The following COL23A1 variants were observed in gnomAD, a reference collection of about 807,000 sequenced individuals.
COL23A1 encodes the protein collagen alpha-1(XXIII) chain.
Under a neutral mutation model 99.3 loss-of-function variants are expected in COL23A1, and 97 were observed. The observed-to-expected ratio is 0.98, with a 90% CI of 0.83 to 1.16. The LOEUF (loss-of-function observed/expected upper bound fraction) is 1.16, where lower values mean the gene tolerates loss of function less well. Among genes scored for constraint, COL23A1 ranks in the 50% most tolerant of loss-of-function variants. COL23A1 has a pLI of 0.00. For missense variants in COL23A1, 762 were observed against 757.4 expected, an observed-to-expected ratio of 1.01 and a Z score of -0.07; for synonymous variants, 320 against 308.2, an observed-to-expected ratio of 1.04 and a Z score of -0.40.
chr5:178,471,343 G>A (rs1756739377), intron 2 of COL23A1, among the ~76,000 whole-genome samples: 1 of 152,208 alleles, frequency 6.6e-6, no homozygotes, highest in African/African-American at 2.4e-5. Flanking sequence ...CTGGGTTCAA[G>A]TGATTCTCCT....
chr5:178,537,310 C>T (rs1034543129), intron 2 of COL23A1, among the ~76,000 whole-genome samples: 1 of 152,210 alleles, frequency 6.6e-6, no homozygotes, highest in Non-Finnish European at 1.5e-5. Context: ...GGCCTGAGGC[C>T]CGGGGTCGTA....
At position 178,417,206 on chromosome 5, in the gene COL23A1, T is replaced by C. The variant is rs116683539; in HGVS notation, c.362-110287A>G. Reference sequence around the variant, plus strand: ...TCCCAACGGATGGCTCTTCTGGATGTACATACAACACATACAACACACATG... The same window carrying C: ...TCCCAACGGATGGCTCTTCTGGATGCACATACAACACATACAACACACATG... On this transcript the variant is annotated intron_variant, in intron 2 of 28. Transcript: ENST00000390654. Among the ~76,000 whole-genome samples the C allele has an allele frequency of 9.9e-3, 1,510 of 152,274 alleles. 26 individuals are homozygous for C. The highest frequency in any genetic ancestry group is 0.034 in the African/African-American group (1,432 of 41,536).
intron 3 of COL23A1, among the ~76,000 whole-genome samples, chr5:178,296,571 T>C (rs914220488): frequency 1.3e-5 from 2 of 152,064 alleles, no homozygotes; most frequent in African/African-American, 2.4e-5. Flanking sequence ...CGTTTTTTTT[T>C]CCTACCACAG....
Position 178,366,164 on chromosome 5 carries a change from GCTGGGT to G in COL23A1, c.362-59251_362-59246del, listed in dbSNP as rs1762465838. On this transcript the variant is annotated intron_variant, in intron 2 of 28. Transcript: ENST00000390654. This position sits in a 1 kb window ranked among gnomAD's most constrained non-coding sequence, Gnocchi z 4.4. The stretch of plus-strand genomic sequence containing the variant: ...GAGGAGGCGAGTCCCCAAGGGCAGG[GCTGGGT>G]CTGATTCACCTCTTCCTCCCCGGAG... 1.3e-5 allele frequency among the ~76,000 whole-genome samples: 2 copies of G among 152,190 alleles called. No individual in the cohort carries two copies. Among genetic ancestry groups the G allele is most frequent in the Non-Finnish European group, 2.9e-5 (2 of 68,020 alleles).
At chr5:178,289,166 G>A (rs945357092) in intron 4 of COL23A1, among the ~76,000 whole-genome samples, 1 of 151,946 alleles carries the variant, frequency 6.6e-6, no homozygotes, top group Non-Finnish European at 1.5e-5. Flanking sequence ...CCCAGATTCC[G>A]AAGGGCACTG....
chr5:178,248,513 C>T (rs1654492639), intron 19 of COL23A1, among the ~76,000 whole-genome samples: 1 of 152,178 alleles, frequency 6.6e-6, no homozygotes, highest in African/African-American at 2.4e-5. Flanking sequence ...GAAGCAAAGA[C>T]CCCGGGGTCA....
At chr5:178,344,144 G>A (rs1393307881) in intron 2 of COL23A1, among the ~76,000 whole-genome samples, 1 of 152,100 alleles carries the variant, frequency 6.6e-6, no homozygotes, top group Non-Finnish European at 1.5e-5. Context: ...GGTATCTGTG[G>A]GGGATTGGAT....
intron 2 of COL23A1, among the ~76,000 whole-genome samples, chr5:178,341,041 C>G (rs78533267): frequency 0.02 from 3,041 of 152,308 alleles, 36 homozygotes; most frequent in South Asian, 0.043. Context: ...ATTGGGCTGA[C>G]CTTTTGTGGG....
At chr5:178,303,460 C>T (rs1403336607) in intron 3 of COL23A1, among the ~76,000 whole-genome samples, 1 of 152,174 alleles carries the variant, frequency 6.6e-6, no homozygotes, top group Non-Finnish European at 1.5e-5. Context: ...TGAAAAGGTC[C>T]ATCTTCCCCC....
intron 2 of COL23A1, among the ~76,000 whole-genome samples, chr5:178,322,434 A>G (rs1759378364): frequency 6.6e-6 from 1 of 152,198 alleles, no homozygotes; most frequent in Admixed American, 6.5e-5. Context: ...TGGCCTCAAA[A>G]GATCATTTTC....
chr5:178,367,941 GC>G lies in COL23A1; in HGVS notation c.362-61023del, dbSNP rs142763153. 3.5e-3 allele frequency among the ~76,000 whole-genome samples: 531 copies of G among 152,306 alleles called. 16 individuals carry two copies. In the East Asian group the frequency reaches 0.066, roughly 19 times the overall value. ...GAGGGGCTCAGGGCTGGGCCAGGTG[GC>G]AGGACCTGGGAGGCACCCAGGAGAG... is the stretch of plus-strand genomic sequence containing the variant. On this transcript the variant is annotated intron_variant, in intron 2 of 28. Coordinates refer to ENST00000390654, the MANE Select transcript of COL23A1 (RefSeq NM_173465.4).
At chr5:178,259,815 C>A in intron 11 of COL23A1, 68 bp from the exon 12 acceptor site, 1 of 1,439,786 alleles carries the variant, frequency 6.9e-7, no homozygotes, top group Non-Finnish European at 9.5e-7. Flanking sequence ...GACCCCGGAC[C>A]TCTTGTTCCT....
chr5:178,374,895 TA>T (rs1180086876), intron 2 of COL23A1, among the ~76,000 whole-genome samples: 7 of 152,232 alleles, frequency 4.6e-5, no homozygotes, highest in African/African-American at 1.7e-4. Flanking sequence ...AATTATTGAA[TA>T]ACCCCAATAA....
At chr5:178,378,735 C>T (rs1763215620) in intron 2 of COL23A1, among the ~76,000 whole-genome samples, 1 of 152,106 alleles carries the variant, frequency 6.6e-6, no homozygotes, top group African/African-American at 2.4e-5. Flanking sequence ...AGGTCACCTG[C>T]CTCAGGGTGA....
Position 178,246,315 on chromosome 5 carries a change from G to C in COL23A1, c.1360-8C>G. 4 of 1,557,006 alleles carry C rather than the reference G, an allele frequency of 2.6e-6. No individual in the cohort carries two copies. Among genetic ancestry groups the C allele is most frequent in the Non-Finnish European group, 3.5e-6 (4 of 1,149,468 alleles). On this transcript the variant is annotated splice_region_variant and splice_polypyrimidine_tract_variant and intron_variant, in intron 23 of 28. Transcript: ENST00000390654. ...CGGTGGGCCAACTGGCCCCTGGATA[G>C]AAAAGGAATGAGTCAAGAGGCATGC... is the stretch of plus-strand genomic sequence containing the variant.
At position 178,428,178 on chromosome 5, in the gene COL23A1, CA is replaced by C. The variant is rs1257146547; in HGVS notation, c.362-121260del. Among the ~76,000 whole-genome samples, 1 of 152,184 alleles carries C rather than the reference CA, an allele frequency of 6.6e-6. No individual in the cohort carries two copies. Among genetic ancestry groups the C allele is most frequent in the African/African-American group, 2.4e-5 (1 of 41,454 alleles). On this transcript the variant is annotated intron_variant, in intron 2 of 28. Coordinates refer to ENST00000390654, the MANE Select transcript of COL23A1 (RefSeq NM_173465.4). This position sits in a 1 kb window ranked among gnomAD's most constrained non-coding sequence, Gnocchi z 5.0. ...CACAGGGAAAAGAGAACGAGGAATC[CA>C]AAGTCCTGAGCAATCGTGTCCCCTT... is the stretch of plus-strand genomic sequence containing the variant.
At chr5:178,376,580 A>G (rs1278979305) in intron 2 of COL23A1, among the ~76,000 whole-genome samples, 1 of 152,214 alleles carries the variant, frequency 6.6e-6, no homozygotes, top group Non-Finnish European at 1.5e-5. Context: ...TGCTTTAGAT[A>G]CACCACCTGT....
chr5:178,564,339 T>C (rs1762745737), intron 1 of COL23A1, among the ~76,000 whole-genome samples: 1 of 151,862 alleles, frequency 6.6e-6, no homozygotes, highest in Non-Finnish European at 1.5e-5. Context: ...ACTTTCTGTA[T>C]CCTGACTACT....
chr5:178,378,394 C>T (rs575502614), intron 2 of COL23A1, among the ~76,000 whole-genome samples: 48 of 152,068 alleles, frequency 3.2e-4, no homozygotes, highest in Non-Finnish European at 5.6e-4. Flanking sequence ...TCAAGCAGGA[C>T]GATACCGGTA....
Sources: gnomAD v4.1 joint callset for allele counts (sites outside exome capture counted in the v4.1 genomes callset) on GRCh38, gnomAD v4.1.1 for gene constraint, Gnocchi (gnomAD v3.1) non-coding constraint, MANE v1.5 for transcripts, NCBI Gene and HGNC (gene_info 2026-07-23, HGNC 2026-07-21) for gene names.